FBXO27: variants seen among roughly 807,000 people sequenced by gnomAD.
The protein encoded by FBXO27 is F-box protein 27, also known as F-box only protein 27.
In FBXO27, 28 loss-of-function variants were observed where a neutral mutation model predicts 28.3. That is an observed-to-expected ratio of 0.99 (90% CI 0.73 to 1.36). The LOEUF (loss-of-function observed/expected upper bound fraction) is 1.36, where lower values mean the gene tolerates loss of function less well. Ranked by LOEUF, FBXO27 falls within the 40% of genes most tolerant of loss-of-function variation. The pLI, the probability that FBXO27 is intolerant of heterozygous loss-of-function variation, is 0.00. For missense variants in FBXO27, 388 were observed against 394.1 expected, an observed-to-expected ratio of 0.98 and a Z score of 0.13; for synonymous variants, 175 against 167.3, an observed-to-expected ratio of 1.05 and a Z score of -0.36.
intron 5 of FBXO27, 32 bp downstream of exon 5, chr19:39,026,838 A>G: frequency 5.0e-6 from 8 of 1,613,142 alleles, no homozygotes; most frequent in Non-Finnish European, 6.8e-6. Flanking sequence ...GGCCCCCAGC[A>G]TCCTTTCCCC....
At chr19:39,012,813 A>C (rs959659874) in intron 2 of FBXO27, among the ~76,000 whole-genome samples, 9 of 151,904 alleles carry the variant, frequency 5.9e-5, no homozygotes, top group Non-Finnish European at 1.3e-4. Flanking sequence ...TACAAAAATT[A>C]GCCAGACGTG....
intron 2 of FBXO27, among the ~76,000 whole-genome samples, chr19:39,011,206 G>A (rs756857971): frequency 4.6e-5 from 7 of 152,188 alleles, no homozygotes; most frequent in South Asian, 2.1e-4. Flanking sequence ...TGAGGAGGGC[G>A]GACCACCCGA....
In FBXO27 at chr19:39,032,153, G is replaced by A; in HGVS notation, c.75C>T (p.Asp25=). Residue 25 remains aspartate, a synonymous_variant, in exon 2 of 6, where the codon GAC becomes GAT. Coordinates refer to ENST00000292853, the MANE Select transcript of FBXO27 (RefSeq NM_178820.5). This position sits in a 1 kb window ranked among gnomAD's most constrained non-coding sequence, Gnocchi z 4.7. ...GCAGCTCTGGGGGTAGTTGGCTCAG[G>A]TCCAGCGCCTCTTCGGGTTCCGGCT... ...APEPEPEEAL[D]LSQLPPELLL... The A allele has an allele frequency of 6.5e-7, 1 of 1,539,592 alleles. No homozygotes were observed. The highest frequency in any genetic ancestry group is 2.7e-5 in the East Asian group (1 of 37,470).
chr19:39,030,439 C>T (rs2144904728), intron 4 of FBXO27: 1 of 153,252 alleles, frequency 6.5e-6, no homozygotes, highest in Admixed American at 6.5e-5. Context: ...CCTCCTAAGG[C>T]AAGGAGCATC....
chr19:39,028,614 G>A (rs2072885746), intron 4 of FBXO27, among the ~76,000 whole-genome samples: 1 of 151,810 alleles, frequency 6.6e-6, no homozygotes, highest in African/African-American at 2.4e-5. Flanking sequence ...TGTAATCCCA[G>A]GACTTTGGGA....
Position 39,032,144 on chromosome 19 carries a change from T to A in FBXO27, c.84A>T (p.Gln28His). The change falls in exon 2 of 6, where the codon CAA becomes CAT. Residue 28 changes from glutamine (Q) to histidine (H), a missense_variant. Transcript: ENST00000292853. This position sits in a 1 kb window ranked among gnomAD's most constrained non-coding sequence, Gnocchi z 4.7. ...PEPEEALDLS[Q>H]LPPELLLVVL... ...CCACCAGAAGCAGCTCTGGGGGTAGTTGGCTCAGGTCCAGCGCCTCTTCGG... is the reference window on the plus strand; with the variant it reads ...CCACCAGAAGCAGCTCTGGGGGTAGATGGCTCAGGTCCAGCGCCTCTTCGG... 1 of 1,543,880 alleles carries A rather than the reference T, an allele frequency of 6.5e-7. No individual in the cohort carries two copies. The highest frequency in any genetic ancestry group is 8.7e-7 in the Non-Finnish European group (1 of 1,151,204).
downstream of FBXO27, among the ~76,000 whole-genome samples, chr19:39,022,551 A>G: frequency 6.6e-6 from 1 of 152,030 alleles, no homozygotes; most frequent in East Asian, 1.9e-4. Context: ...GGTTCAGGTG[A>G]TCCTCCCACC....
chr19:39,012,280 G>T (rs2072799163), intron 2 of FBXO27, among the ~76,000 whole-genome samples: 1 of 151,714 alleles, frequency 6.6e-6, no homozygotes, highest in African/African-American at 2.4e-5. Flanking sequence ...AGCCTCCCGG[G>T]TTCAAGCAAT....
At chr19:39,013,035 C>T (rs979622549) in intron 2 of FBXO27, among the ~76,000 whole-genome samples, 1 of 152,116 alleles carries the variant, frequency 6.6e-6, no homozygotes, top group East Asian at 1.9e-4. Flanking sequence ...TTTCTATAAC[C>T]TCTTTCCCGA....
chr19:39,025,566 G>C lies in FBXO27; in HGVS notation c.709-12C>G, dbSNP rs752837112. On this transcript the variant is annotated splice_polypyrimidine_tract_variant and intron_variant, in intron 5 of 5. Transcript: ENST00000292853. Reference sequence around the variant, plus strand: ...AACACGTGGGTGACCTGTAGGCAGAGGAGGGGCTCAGCTCCATTGTGCCAC... The same window carrying C: ...AACACGTGGGTGACCTGTAGGCAGACGAGGGGCTCAGCTCCATTGTGCCAC... 2.0e-5 allele frequency: 32 copies of C among 1,609,806 alleles called. No individual in the cohort carries two copies. Among genetic ancestry groups the C allele is most frequent in the Non-Finnish European group, 2.4e-5 (28 of 1,177,304 alleles).
At chr19:39,012,783 C>T (rs1419508523) in intron 2 of FBXO27, among the ~76,000 whole-genome samples, 6 of 151,890 alleles carry the variant, frequency 4.0e-5, no homozygotes, top group African/African-American at 1.4e-4. Context: ...CAGAGTGAAA[C>T]CCCGACTCTA....
intron 2 of FBXO27, among the ~76,000 whole-genome samples, chr19:39,011,422 ACTCT>A (rs1266018614): frequency 1.3e-5 from 2 of 151,974 alleles, no homozygotes; most frequent in African/African-American, 4.8e-5. Flanking sequence ...ACAGAGCGAA[ACTCT>A]CTCTCTCAAA....
At chr19:39,027,065 C>G in intron 4 of FBXO27, 60 bp from the exon 5 acceptor site, 1 of 1,601,362 alleles carries the variant, frequency 6.2e-7, no homozygotes. Context: ...GGGTGTCTGC[C>G]TACCTTGTCC....
At chr19:39,010,553 C>A (rs2072789808) in intron 2 of FBXO27, among the ~76,000 whole-genome samples, 1 of 152,164 alleles carries the variant, frequency 6.6e-6, no homozygotes, top group African/African-American at 2.4e-5. Context: ...TGAAACAGGG[C>A]TGGGGTGGAA....
At chr19:39,027,086 C>A in intron 4 of FBXO27, 81 bp from the exon 5 acceptor site, 1 of 1,551,136 alleles carries the variant, frequency 6.4e-7, no homozygotes, top group South Asian at 1.2e-5. Context: ...GAATGCCCTT[C>A]CCATGTGTGC....
At chr19:39,011,984 A>G (rs1272510138) in intron 2 of FBXO27, among the ~76,000 whole-genome samples, 1 of 150,926 alleles carries the variant, frequency 6.6e-6, no homozygotes, top group Non-Finnish European at 1.5e-5. Context: ...GCCCGCCACC[A>G]TGACCAGCTA....
chr19:39,011,020 G>A (rs151058727), intron 2 of FBXO27, among the ~76,000 whole-genome samples: 122 of 152,352 alleles, frequency 8.0e-4, no homozygotes, highest in African/African-American at 2.7e-3. Flanking sequence ...ACTGGAAAGC[G>A]TGAATCCTCC....
intron 1 of FBXO27, among the ~76,000 whole-genome samples, chr19:39,015,318 C>CAAAAA (rs59646562): frequency 1.4e-4 from 5 of 36,452 alleles, no homozygotes; most frequent in African/African-American, 5.4e-4. Flanking sequence ...GACTCTGTCT[C>CAAAAA]AAAAAAAAAA....
In FBXO27 at chr19:39,032,094, G is replaced by T; in HGVS notation, c.134C>A (p.Thr45Lys). The T allele has an allele frequency of 6.5e-7, 1 of 1,531,962 alleles. No individual in the cohort carries two copies. The highest frequency in any genetic ancestry group is 8.7e-7 in the Non-Finnish European group (1 of 1,146,204). 94.9% of individuals were successfully genotyped at this position (1,531,962 alleles called of 1,614,324 possible). The change falls in exon 2 of 6, where the codon ACG becomes AAG. Residue 45 changes from threonine to lysine, a missense_variant. By Grantham distance (78) the Thr-to-Lys change is moderately conservative. Coordinates refer to ENST00000292853, the MANE Select transcript of FBXO27 (RefSeq NM_178820.5). This position sits in a 1 kb window ranked among gnomAD's most constrained non-coding sequence, Gnocchi z 4.7. ...CACTTGGCGGCAGCGCCCGAGCAGCGTGCGCGGGGGGACGTGGCTCAGCAC... is the reference window on the plus strand; with the variant it reads ...CACTTGGCGGCAGCGCCCGAGCAGCTTGCGCGGGGGGACGTGGCTCAGCAC... ...LVVLSHVPPRTLLGRCRQVCR... is the reference protein window; with the variant it reads ...LVVLSHVPPRKLLGRCRQVCR...
Sources: gnomAD v4.1 joint callset for allele counts (sites outside exome capture counted in the v4.1 genomes callset) on GRCh38, gnomAD v4.1.1 for gene constraint, Gnocchi (gnomAD v3.1) non-coding constraint, MANE v1.5 for transcripts, NCBI Gene and HGNC (gene_info 2026-07-23, HGNC 2026-07-21) for gene names.